The following MAML3 variants were observed in gnomAD, a reference collection of about 807,000 sequenced individuals.
MAML3 encodes mastermind-like protein 3.
A neutral mutation model predicts 101.9 loss-of-function variants in MAML3; 27 were observed. That is an observed-to-expected ratio of 0.27 (90% CI 0.20 to 0.37). MAML3 has a LOEUF of 0.37. Among genes scored for constraint, MAML3 ranks in the 10% least tolerant of loss-of-function variants. The pLI, the probability that MAML3 is intolerant of heterozygous loss-of-function variation, is 1.00. For missense variants in MAML3, 1,316 were observed against 1,444.9 expected (o/e 0.91, Z 1.45); for synonymous variants, 501 against 555.9 (o/e 0.90, Z 1.39).
chr4:139,768,930 C>T (rs927413714), intron 2 of MAML3, among the ~76,000 whole-genome samples: 1 of 152,212 alleles, frequency 6.6e-6, no homozygotes, highest in African/African-American at 2.4e-5. Context: ...CACCTGGCTT[C>T]GGTCAACATT....
At chr4:139,844,628 C>T (rs1578627857) in intron 2 of MAML3, among the ~76,000 whole-genome samples, 1 of 152,206 alleles carries the variant, frequency 6.6e-6, no homozygotes, top group African/African-American at 2.4e-5. Flanking sequence ...TAATCATCTA[C>T]TTAGTGTCTC....
chr4:140,141,507 A>G (rs1229827295), intron 1 of MAML3, among the ~76,000 whole-genome samples: 1 of 152,210 alleles, frequency 6.6e-6, no homozygotes, highest in Non-Finnish European at 1.5e-5. Flanking sequence ...ACTGAAATAC[A>G]TTTTGCAAAT....
intron 1 of MAML3, among the ~76,000 whole-genome samples, chr4:139,945,575 A>T (rs1192365605): frequency 6.6e-6 from 1 of 152,238 alleles, no homozygotes; most frequent in Non-Finnish European, 1.5e-5. Context: ...ATAAAGTCAA[A>T]GGTTTAATTG....
At chr4:139,914,788 T>C (rs1487252328) in intron 1 of MAML3, among the ~76,000 whole-genome samples, 1 of 152,214 alleles carries the variant, frequency 6.6e-6, no homozygotes, top group Non-Finnish European at 1.5e-5. Context: ...TCCTTGTCTT[T>C]TTCCCCAGAA....
chr4:140,005,493 G>C (rs1726428948), intron 1 of MAML3, among the ~76,000 whole-genome samples: 2 of 152,196 alleles, frequency 1.3e-5, no homozygotes, highest in Admixed American at 6.5e-5. Flanking sequence ...AACGCTCCAG[G>C]TAATGGATGA....
intron 1 of MAML3, among the ~76,000 whole-genome samples, chr4:140,002,046 ATCAT>A (rs1734934194): frequency 2.5e-5 from 1 of 40,394 alleles, no homozygotes; most frequent in Non-Finnish European, 4.8e-5. Flanking sequence ...TCACACACTT[ATCAT>A]TTTTTTTTGT....
chr4:140,007,996 A>C lies in MAML3; in HGVS notation c.469-117029T>G, dbSNP rs186181670. On this transcript the variant is annotated intron_variant, in intron 1 of 4. Transcript: ENST00000509479. ...TGTCAATTTGTACTGCTGAGTAAAG[A>C]GATTTCAAACGTCTAGGATTAATAT... Among the ~76,000 whole-genome samples, 79 of 152,344 alleles carry C rather than the reference A, an allele frequency of 5.2e-4. 1 individual carries two copies. In the East Asian group the frequency reaches 0.013, roughly 24 times the overall value.
At chr4:139,892,033 C>T (rs1578650799) in intron 1 of MAML3, among the ~76,000 whole-genome samples, 3 of 152,312 alleles carry the variant, frequency 2.0e-5, no homozygotes, top group South Asian at 2.1e-4. Context: ...ACAACTTCAT[C>T]GATTACAACA....
Position 139,864,923 on chromosome 4 carries a change from C to CTTGTTTTTTTTTTTTTTTTTTTTTTTTT in MAML3, c.2079+24433_2079+24434insAAAAAAAAAAAAAAAAAAAAAAAAACAA, listed in dbSNP as rs56928318. 6.4e-5 allele frequency among the ~76,000 whole-genome samples: 4 copies of CTTGTTTTTTTTTTTTTTTTTTTTTTTTT among 62,456 alleles called. 2 individuals are homozygous for CTTGTTTTTTTTTTTTTTTTTTTTTTTTT. Among genetic ancestry groups the CTTGTTTTTTTTTTTTTTTTTTTTTTTTT allele is most frequent in the African/African-American group, 1.2e-4 (2 of 17,052 alleles). The allele number at this position is 62,456 out of a possible 152,430, so 41.0% of individuals were successfully genotyped here. A position where few individuals can be genotyped will look rare whatever the true frequency, so the allele number is the denominator to read the frequency against. ...TTAGGAAAATAGTAATGCAAACTTG[C>CTTGTTTTTTTTTTTTTTTTTTTTTTTTT]TTTTTTTTTTTTTTTTTTTTTTTTT... On this transcript the variant is annotated intron_variant, in intron 2 of 4. Transcript: ENST00000509479.
At chr4:139,759,464 C>T (rs772526967) in intron 2 of MAML3, among the ~76,000 whole-genome samples, 4 of 152,220 alleles carry the variant, frequency 2.6e-5, no homozygotes, top group Non-Finnish European at 4.4e-5. Flanking sequence ...CACCTTGAAC[C>T]AGCATCTCTC....
intron 1 of MAML3, among the ~76,000 whole-genome samples, chr4:140,113,935 C>A (rs192301127): frequency 8.3e-4 from 126 of 152,290 alleles, no homozygotes; most frequent in African/African-American, 2.7e-3. Flanking sequence ...TCTGCTCCCA[C>A]CCCGTTTTAC....
chr4:140,104,919 G>A (rs1479517277), intron 1 of MAML3, among the ~76,000 whole-genome samples: 1 of 152,132 alleles, frequency 6.6e-6, no homozygotes, highest in African/African-American at 2.4e-5. Context: ...TTAATAGACT[G>A]TTAGTGGCAC....
chr4:139,865,302 T>A (rs2111170715), intron 2 of MAML3, among the ~76,000 whole-genome samples: 1 of 152,276 alleles, frequency 6.6e-6, no homozygotes, highest in South Asian at 2.1e-4. Flanking sequence ...GAATGTTTCT[T>A]CTTGAATGGT....
At chr4:139,736,762 T>C (rs1381164380) in intron 2 of MAML3, among the ~76,000 whole-genome samples, 2 of 152,114 alleles carry the variant, frequency 1.3e-5, no homozygotes, top group Non-Finnish European at 2.9e-5. Context: ...ATTAGAACTT[T>C]TGGGGGTGTT....
At chr4:139,946,981 A>G (rs1733745081) in intron 1 of MAML3, among the ~76,000 whole-genome samples, 1 of 151,792 alleles carries the variant, frequency 6.6e-6, no homozygotes, top group South Asian at 2.1e-4. Context: ...GCAACATGCT[A>G]TAATTAAGCT....
rs1331282471 is a variant in MAML3 at position 139,716,805 on chromosome 4, T to G, written c.*2518A>C. The G allele has an allele frequency of 1.3e-5, 2 of 152,722 alleles. No individual in the cohort carries two copies. The highest frequency in any genetic ancestry group is 3.9e-4 in the East Asian group (2 of 5,194). The allele number at this position is 152,722 out of a possible 1,614,324, so 9.5% of individuals were successfully genotyped here. Reference sequence around the variant, plus strand: ...TTTTGTTTTCTTTAAAAGTGGTATGTCAACATCACTTCATTTCTACATTTC... The same window carrying G: ...TTTTGTTTTCTTTAAAAGTGGTATGGCAACATCACTTCATTTCTACATTTC... On this transcript the variant is annotated 3_prime_UTR_variant, in exon 5 of 5. Transcript: ENST00000509479.
chr4:140,022,498 C>A (rs1270274596), intron 1 of MAML3, among the ~76,000 whole-genome samples: 1 of 152,060 alleles, frequency 6.6e-6, no homozygotes, highest in East Asian at 1.9e-4. Flanking sequence ...TCTAAGTGTG[C>A]TAAAAATAAA....
At chr4:140,057,569 T>C (rs1727370097) in intron 1 of MAML3, among the ~76,000 whole-genome samples, 1 of 152,220 alleles carries the variant, frequency 6.6e-6, no homozygotes, top group African/African-American at 2.4e-5. Flanking sequence ...TGGAAATCTT[T>C]CTAAAACATT....
chr4:139,760,650 C>T (rs537737728), intron 2 of MAML3, among the ~76,000 whole-genome samples: 2 of 152,302 alleles, frequency 1.3e-5, no homozygotes, highest in African/African-American at 4.8e-5. Context: ...GGCTGTAAAA[C>T]ACGTGAATTT....
Sources: allele counts gnomAD v4.1 joint callset (sites outside exome capture counted in the v4.1 genomes callset), GRCh38; gene constraint gnomAD v4.1.1; transcripts MANE v1.5; gene names NCBI Gene and HGNC (gene_info 2026-07-23, HGNC 2026-07-21).